Variants in CDHR4 observed in about 807,000 individuals in gnomAD.
CDHR4 encodes cadherin related family member 4, also known as cadherin-related family member 4.
Under a neutral mutation model 88.4 loss-of-function variants are expected in CDHR4, and 89 were observed. The ratio of observed to expected loss-of-function variants is 1.01; its 90% CI spans 0.85 to 1.20. The LOEUF (loss-of-function observed/expected upper bound fraction) is 1.20, where lower values mean the gene tolerates loss of function less well. CDHR4 is among the 50% of genes most tolerant of loss of function. The pLI, the probability that CDHR4 is intolerant of heterozygous loss-of-function variation, is 0.00. For synonymous variants in CDHR4, 368 were observed against 399.2 expected, an observed-to-expected ratio of 0.92 and a Z score of 0.93; for missense variants, 914 against 1,007.2, an observed-to-expected ratio of 0.91 and a Z score of 1.25.
At chr3:49,794,359 C>G (rs1490254797) in intron 10 of CDHR4, among the ~76,000 whole-genome samples, 1 of 151,388 alleles carries the variant, frequency 6.6e-6, no homozygotes, top group Non-Finnish European at 1.5e-5. Context: ...GATCGTGCCA[C>G]TGCACTCCAG....
chr3:49,797,099 C>A (rs2081283122), intron 4 of CDHR4, 67 bp from the exon 5 acceptor site: 1 of 1,290,462 alleles, frequency 7.7e-7, no homozygotes, highest in East Asian at 2.5e-5. Context: ...CATCGACAAC[C>A]CAGCAGCAAC....
chr3:49,795,637 T>C lies in CDHR4; in HGVS notation c.838A>G (p.Ile280Val), dbSNP rs867421786. 1.9e-5 allele frequency: 29 copies of C among 1,551,196 alleles called. No homozygotes were observed. Among genetic ancestry groups the C allele is most frequent in the Middle Eastern group, 1.7e-4 (1 of 6,014 alleles). Residue 280 changes from isoleucine to valine, a missense_variant, in exon 7 of 19, where the codon ATT becomes GTT. Physicochemically the swap from Ile to Val is conservative, Grantham distance 29 (BLOSUM62 3). Transcript: ENST00000412678. This position sits in a 1 kb window ranked among gnomAD's most constrained non-coding sequence, Gnocchi z 5.4. ...LSPVPSPLFS[I>V]GRADGVVRTT... ...CCCCAACACCTCTCACCACGACCAA[T>C]GGAGAAGAGTGGGCTGGGCACCGGA...
At chr3:49,796,415 C>T (rs539671727) in intron 5 of CDHR4, among the ~76,000 whole-genome samples, 1 of 152,114 alleles carries the variant, frequency 6.6e-6, no homozygotes, top group South Asian at 2.1e-4. Context: ...TGGCTCACTG[C>T]AACCTCCACC....
At position 49,793,684 on chromosome 3, in the gene CDHR4, G is replaced by A; in HGVS notation, c.1522C>T (p.Gln508Ter). 1 of 1,551,764 alleles carries A rather than the reference G, an allele frequency of 6.4e-7. No individual in the cohort carries two copies. Residue 508 changes from glutamine to a stop codon, truncating the protein, a stop_gained, in exon 12 of 19, where the codon CAG (glutamine) becomes TAG (stop). Coordinates refer to ENST00000412678, the MANE Select transcript of CDHR4 (RefSeq NM_001007540.4). LOFTEE classifies it high-confidence loss of function. Reference sequence around the variant, plus strand: ...AGGACAGTGAGCCTGTACAGCCTCTGCTGCTCATAGTCCAAAGGTCCCAGG... The same window carrying A: ...AGGACAGTGAGCCTGTACAGCCTCTACTGCTCATAGTCCAAAGGTCCCAGG... ...HLLGPLDYEQ[Q>*]RLYRLTVLVI...
In CDHR4 at chr3:49,799,434, A is replaced by T; in HGVS notation, c.53T>A (p.Leu18His). The change falls in exon 2 of 19, where the codon CTC (leucine) becomes CAC (histidine). Residue 18 changes from leucine to histidine, a missense_variant. Physicochemically the swap from Leu to His is moderately conservative, Grantham distance 99 (BLOSUM62 -3). Coordinates refer to ENST00000412678, the MANE Select transcript of CDHR4 (RefSeq NM_001007540.4). ...ATTTATAAAGCAGGGCAGGCTGCAG[A>T]GGTCTGTGAAGAGCAGAGAATTCAG... ...VFLFAPVVSDLCSLPCFINVS... is the reference protein window; with the variant it reads ...VFLFAPVVSDHCSLPCFINVS... 6.3e-7 allele frequency: 1 copy of T among 1,592,048 alleles called. No individual in the cohort carries two copies. The highest frequency in any genetic ancestry group is 1.8e-5 in the Admixed American group (1 of 55,964).
At chr3:49,794,074 G>T in intron 10 of CDHR4, 68 bp from the exon 11 acceptor site, 1 of 1,468,020 alleles carries the variant, frequency 6.8e-7, no homozygotes. Context: ...GTCTGAGGAG[G>T]GAGACAGGGC....
Position 49,799,385 on chromosome 3 carries a change from G to C in CDHR4, c.102C>G (p.Gly34=). 2 of 1,611,158 alleles carry C rather than the reference G, an allele frequency of 1.2e-6. No individual in the cohort carries two copies. Among genetic ancestry groups the C allele is most frequent in the African/African-American group, 1.3e-5 (1 of 75,014 alleles). ...FINVSESQGP[G]TVLQFLSFNC... ...TGAAGGATAAAAACTGAAGGACTGT[G>C]CCAGGGCCCTGGCTCTCAGAGACAT... The change falls in exon 2 of 19, where the codon GGC becomes GGG. Residue 34 remains glycine, a synonymous_variant. Transcript: ENST00000412678.
upstream of CDHR4, among the ~76,000 whole-genome samples, chr3:49,802,130 T>TCTTCTC (rs1041324405): frequency 1.0e-4 from 15 of 149,834 alleles, no homozygotes; most frequent in Non-Finnish European, 1.9e-4. Context: ...TTCTTCTCCT[T>TCTTCTC]CTTCTCCTTC....
At chr3:49,794,448 C>T (rs1437651573) in intron 10 of CDHR4, among the ~76,000 whole-genome samples, 160 bp downstream of exon 10, 3 of 151,100 alleles carry the variant, frequency 2.0e-5, no homozygotes, top group Non-Finnish European at 4.4e-5. Context: ...AGAAGCCTTC[C>T]CCTGCTGGGG....
chr3:49,795,409 G>A lies in CDHR4; in HGVS notation c.848-30C>T. On this transcript the variant is annotated intron_variant, in intron 7 of 18. Coordinates refer to ENST00000412678, the MANE Select transcript of CDHR4 (RefSeq NM_001007540.4). The surrounding 1 kb of genome is among the most constrained non-coding windows in gnomAD (Gnocchi z 5.4). ...ATGGGGTGAGAGAACACAGAGGTCA[G>A]GGGTCAGGGAACACAGAGATCAGCC... 1 of 1,546,152 alleles carries A rather than the reference G, an allele frequency of 6.5e-7. No individual in the cohort carries two copies. Among genetic ancestry groups the A allele is most frequent in the Admixed American group, 2.0e-5 (1 of 50,942 alleles).
chr3:49,797,784 C>T (rs562860702), intron 4 of CDHR4, among the ~76,000 whole-genome samples: 1 of 151,664 alleles, frequency 6.6e-6, no homozygotes, highest in African/African-American at 2.4e-5. Flanking sequence ...CCCAGCCTGA[C>T]ACCCAGTTTT....
At chr3:49,799,915 C>T (rs2081338219), upstream of CDHR4, 16 of 1,237,832 alleles carry the variant, frequency 1.3e-5, no homozygotes, top group South Asian at 6.6e-5. Flanking sequence ...GCTGGGCAGG[C>T]GGGACTCCTG....
upstream of CDHR4, among the ~76,000 whole-genome samples, chr3:49,801,822 C>T (rs190520820): frequency 3.9e-5 from 6 of 152,370 alleles, no homozygotes; most frequent in East Asian, 7.7e-4. Flanking sequence ...CCCTTCGTTG[C>T]CTGGATGAGG....
At chr3:49,799,538 G>T in intron 1 of CDHR4, 101 bp from the exon 2 acceptor site, 1 of 1,303,848 alleles carries the variant, frequency 7.7e-7, no homozygotes, top group Non-Finnish European at 1.0e-6. Flanking sequence ...GCCATGCCAT[G>T]GGGCCAAGCA....
At chr3:49,798,515 G>A in intron 4 of CDHR4, 2 of 394,746 alleles carry the variant, frequency 5.1e-6, no homozygotes, top group Non-Finnish European at 9.0e-6. Flanking sequence ...ATGAACCTGG[G>A]AGGTGGAGCT....
Position 49,793,974 on chromosome 3 carries a change from T to C in CDHR4, c.1312A>G (p.Ile438Val). 6.4e-7 allele frequency: 1 copy of C among 1,551,726 alleles called. No individual in the cohort carries two copies. The highest frequency in any genetic ancestry group is 1.4e-5 in the African/African-American group (1 of 73,186). The change falls in exon 11 of 19, where the codon ATC becomes GTC. Residue 438 changes from isoleucine (I) to valine (V), a missense_variant. By Grantham distance (29) the Ile-to-Val change is conservative (BLOSUM62 3). Coordinates refer to ENST00000412678, the MANE Select transcript of CDHR4 (RefSeq NM_001007540.4). ...GCACAGGCTGGGGAGAACTCGTTGATGGGTGTCACCATCACCAGTACCGGC... is the reference window on the plus strand; with the variant it reads ...GCACAGGCTGGGGAGAACTCGTTGACGGGTGTCACCATCACCAGTACCGGC... ...EVPVLVMVTP[I>V]NEFSPACAPR...
In CDHR4 at chr3:49,799,359, T is replaced by C. The variant is rs1362509159; in HGVS notation, c.128A>G (p.Asn43Ser). The change falls in exon 2 of 19, where the codon AAC (asparagine) becomes AGC (serine). Residue 43 changes from asparagine to serine, a missense_variant. Transcript: ENST00000412678. ...GGGTGTGGGCGTGTAGGAGGAGCAG[T>C]TGAAGGATAAAAACTGAAGGACTGT... ...PGTVLQFLSFNCSSYTPTPTL... is the reference protein window; with the variant it reads ...PGTVLQFLSFSCSSYTPTPTL... 3 of 1,612,726 alleles carry C rather than the reference T, an allele frequency of 1.9e-6. No individual in the cohort carries two copies. The highest frequency in any genetic ancestry group is 1.7e-6 in the Non-Finnish European group (2 of 1,179,418).
In CDHR4 at chr3:49,793,253, G is replaced by A. The variant is rs1375656378; in HGVS notation, c.1682C>T (p.Ala561Val). Reference protein sequence around the residue: ...EPPFQELTIYAPLGRSVEVTK... With the variant: ...EPPFQELTIYVPLGRSVEVTK... ...CACCTCCACGCTACGGCCCAGAGGAGCATAGATGGTGAGTTCCTGAAATGG... is the reference window on the plus strand; with the variant it reads ...CACCTCCACGCTACGGCCCAGAGGAACATAGATGGTGAGTTCCTGAAATGG... Residue 561 changes from alanine (A) to valine (V), a missense_variant, in exon 13 of 19, where the codon GCT (alanine) becomes GTT (valine). By Grantham distance (64) the Ala-to-Val change is moderately conservative. Coordinates refer to ENST00000412678, the MANE Select transcript of CDHR4 (RefSeq NM_001007540.4). 2 of 1,551,568 alleles carry A rather than the reference G, an allele frequency of 1.3e-6. No individual in the cohort carries two copies. The highest frequency in any genetic ancestry group is 2.7e-5 in the African/African-American group (2 of 73,050).
chr3:49,790,807 C>T lies in CDHR4; in HGVS notation c.*25G>A. ...ATGATGGTGTGAAAAAGAAATTCCA[C>T]ACATAGTAAGACAGCTACTTGGCCT... On this transcript the variant is annotated 3_prime_UTR_variant, in exon 19 of 19. Transcript: ENST00000412678. The T allele has an allele frequency of 6.5e-7, 1 of 1,540,360 alleles. No homozygotes were observed. Among genetic ancestry groups the T allele is most frequent in the Middle Eastern group, 1.7e-4 (1 of 5,934 alleles).
Sources: gnomAD v4.1 joint callset for allele counts (sites outside exome capture counted in the v4.1 genomes callset) on GRCh38, gnomAD v4.1.1 for gene constraint, Gnocchi (gnomAD v3.1) non-coding constraint, MANE v1.5 for transcripts, NCBI Gene and HGNC (gene_info 2026-07-23, HGNC 2026-07-21) for gene names.